The following RAB40B variants were observed in gnomAD, a reference collection of about 807,000 sequenced individuals.
The protein encoded by RAB40B is ras-related protein Rab-40B.
RAB40B carries 21 observed loss-of-function variants against 24.0 expected under a neutral mutation model. The ratio of observed to expected loss-of-function variants is 0.88; its 90% CI spans 0.62 to 1.26. The LOEUF is 1.26. Among genes scored for constraint, RAB40B ranks in the 50% most tolerant of loss-of-function variants. The probability of loss-of-function intolerance (pLI) is 0.00; values close to 1 mark genes in which losing one functional copy is unlikely to be tolerated. For synonymous variants in RAB40B, 167 were observed against 169.8 expected, an observed-to-expected ratio of 0.98 and a Z score of 0.13; for missense variants, 348 against 390.5, an observed-to-expected ratio of 0.89 and a Z score of 0.92.
At chr17:82,677,027 CA>C (rs2046401648) in intron 1 of RAB40B, among the ~76,000 whole-genome samples, 1 of 151,860 alleles carries the variant, frequency 6.6e-6, no homozygotes, top group Admixed American at 6.6e-5. Context: ...CGGCTCACCG[CA>C]AGCTCCACCT....
chr17:82,694,937 T>C (rs1294139841), intron 1 of RAB40B, among the ~76,000 whole-genome samples: 4 of 151,740 alleles, frequency 2.6e-5, no homozygotes, highest in Non-Finnish European at 4.4e-5. Context: ...CGACTGATAA[T>C]GAAATCTAGG....
At chr17:82,661,671 G>A (rs1022282770) in intron 2 of RAB40B, among the ~76,000 whole-genome samples, 16 of 152,046 alleles carry the variant, frequency 1.1e-4, no homozygotes, top group African/African-American at 2.9e-4. Context: ...CGGATCACCC[G>A]AGGTCAGGAG....
chr17:82,673,560 T>G (rs1300754720), intron 1 of RAB40B, among the ~76,000 whole-genome samples: 1 of 152,262 alleles, frequency 6.6e-6, no homozygotes, highest in Non-Finnish European at 1.5e-5. Flanking sequence ...GCCCTCACTC[T>G]TCCTTGTGTT....
At chr17:82,685,907 G>A (rs1484389911) in intron 1 of RAB40B, among the ~76,000 whole-genome samples, 1 of 151,308 alleles carries the variant, frequency 6.6e-6, no homozygotes, top group Admixed American at 6.6e-5. Context: ...GGATTCAAAC[G>A]ATTCTCCTAC....
intron 2 of RAB40B, chr17:82,662,132 C>A: frequency 7.1e-6 from 7 of 985,464 alleles, no homozygotes; most frequent in Non-Finnish European, 8.4e-6. Context: ...GTGTCACATG[C>A]ACCTGTGGTC....
intron 1 of RAB40B, among the ~76,000 whole-genome samples, chr17:82,678,460 A>G (rs984258416): frequency 2.0e-5 from 3 of 152,084 alleles, no homozygotes; most frequent in Admixed American, 6.6e-5. Flanking sequence ...ATGCCACACC[A>G]TTCTCTACAC....
chr17:82,658,133 C>T lies in RAB40B; in HGVS notation c.567G>A (p.Val189=). The change falls in exon 6 of 6, where the codon GTG becomes GTA. Residue 189 remains valine, a splice_region_variant and synonymous_variant. Transcript: ENST00000571995. ...GMDRLWRPSK[V]LSLQDLCCRA... The stretch of plus-strand genomic sequence containing the variant: ...GGCAGCAGAGGTCTTGCAAGCTCAG[C>T]ACTTGGGAGAGAAAAGATAAACCTT... The T allele has an allele frequency of 6.2e-7, 1 of 1,612,780 alleles. No homozygotes were observed. The highest frequency in any genetic ancestry group is 8.5e-7 in the Non-Finnish European group (1 of 1,179,374).
At chr17:82,671,552 T>A (rs1486352931) in intron 1 of RAB40B, among the ~76,000 whole-genome samples, 1 of 109,368 alleles carries the variant, frequency 9.1e-6, no homozygotes, top group African/African-American at 3.2e-5. Flanking sequence ...ACGCTCCCTG[T>A]ACTCACTGAC....
At chr17:82,669,382 G>C (rs1284849990) in intron 1 of RAB40B, among the ~76,000 whole-genome samples, 2 of 151,998 alleles carry the variant, frequency 1.3e-5, no homozygotes, top group Non-Finnish European at 2.9e-5. Context: ...GGCTGAGGCA[G>C]GAGAATTGCT....
intron 1 of RAB40B, among the ~76,000 whole-genome samples, chr17:82,688,239 C>G (rs2046521989): frequency 6.6e-6 from 1 of 151,984 alleles, no homozygotes; most frequent in African/African-American, 2.4e-5. Flanking sequence ...CTAGGCTGGT[C>G]TGAACTCCTG....
At chr17:82,698,385 CCCCTCCCCA>C in intron 1 of RAB40B, 61 bp downstream of exon 1, 1 of 292,136 alleles carries the variant, frequency 3.4e-6, no homozygotes. Flanking sequence ...CCACCCGCAC[CCCCTCCCCA>C]GCCCCGCGCC....
In RAB40B at chr17:82,698,616, C is replaced by A. The variant is rs750625188; in HGVS notation, c.-20G>T. 32 of 1,424,114 alleles carry A rather than the reference C, an allele frequency of 2.2e-5. No homozygotes were observed. The highest frequency in any genetic ancestry group is 1.0e-4 in the African/African-American group (7 of 67,558). 88.2% of individuals were successfully genotyped at this position (1,424,114 alleles called of 1,614,324 possible). A position where few individuals can be genotyped will look rare whatever the true frequency, so the allele number is the denominator to read the frequency against. Reference sequence around the variant, plus strand: ...GCTCATCGTGACGGCCCGGCGCCCCCACCCATGCCCGGCCTGCGGGGCTGA... The same window carrying A: ...GCTCATCGTGACGGCCCGGCGCCCCAACCCATGCCCGGCCTGCGGGGCTGA... On this transcript the variant is annotated 5_prime_UTR_variant, in exon 1 of 6. Coordinates refer to ENST00000571995, the MANE Select transcript of RAB40B (RefSeq NM_006822.3).
Position 82,688,992 on chromosome 17 carries a change from C to G in RAB40B, c.142+9463G>C, listed in dbSNP as rs114668895. On this transcript the variant is annotated intron_variant, in intron 1 of 5. Transcript: ENST00000571995. Reference sequence around the variant, plus strand: ...GTCTAGATCTCTAATATTTTTATGCCCAAGCCCTTTGGATGCTGTTGTTCT... The same window carrying G: ...GTCTAGATCTCTAATATTTTTATGCGCAAGCCCTTTGGATGCTGTTGTTCT... Among the ~76,000 whole-genome samples the G allele has an allele frequency of 7.8e-3, 1,184 of 152,174 alleles. 14 individuals carry two copies. The highest frequency in any genetic ancestry group is 0.028 in the African/African-American group (1,142 of 41,496).
intron 1 of RAB40B, among the ~76,000 whole-genome samples, chr17:82,687,255 AAG>A (rs769597064): frequency 2.0e-5 from 3 of 152,248 alleles, no homozygotes; most frequent in Non-Finnish European, 2.9e-5. Flanking sequence ...TTATTAATCT[AAG>A]AGAAAATTTC....
At position 82,663,949 on chromosome 17, in the gene RAB40B, G is replaced by A. The variant is rs1037522857; in HGVS notation, c.203+547C>T. Among the ~76,000 whole-genome samples the A allele has an allele frequency of 2.6e-5, 4 of 152,132 alleles. No homozygotes were observed. Among genetic ancestry groups the A allele is most frequent in the Non-Finnish European group, 5.9e-5 (4 of 68,016 alleles). On this transcript the variant is annotated intron_variant, in intron 2 of 5. Transcript: ENST00000571995. The surrounding 1 kb of genome is among the most constrained non-coding windows in gnomAD (Gnocchi z 6.2). ...CTTCAGAGAAGCCCTGGTGCAGCTGGGGCTGGGGGTGCTCCCCGGGGCGCT... is the reference window on the plus strand; with the variant it reads ...CTTCAGAGAAGCCCTGGTGCAGCTGAGGCTGGGGGTGCTCCCCGGGGCGCT...
At chr17:82,660,493 A>G (rs1291172041) in intron 3 of RAB40B, among the ~76,000 whole-genome samples, 1 of 151,414 alleles carries the variant, frequency 6.6e-6, no homozygotes, top group Non-Finnish European at 1.5e-5. Flanking sequence ...GTGTACACAT[A>G]CACGCACATG....
chr17:82,694,291 A>G (rs2046586987), intron 1 of RAB40B, among the ~76,000 whole-genome samples: 1 of 151,522 alleles, frequency 6.6e-6, no homozygotes, highest in African/African-American at 2.4e-5. Context: ...GCACTTTGGG[A>G]GGCTGAGCTA....
intron 2 of RAB40B, among the ~76,000 whole-genome samples, chr17:82,664,075 AGGGT>A (rs2046214921): frequency 2.2e-4 from 3 of 13,634 alleles, no homozygotes; most frequent in Admixed American, 8.0e-4. Flanking sequence ...TGGTGGGGGG[AGGGT>A]GCTCCCCGGG....
chr17:82,660,747 C>A (rs1377189305), intron 3 of RAB40B, among the ~76,000 whole-genome samples: 1 of 152,222 alleles, frequency 6.6e-6, no homozygotes, highest in East Asian at 1.9e-4. Context: ...GTGCACGTAC[C>A]TGCACACACG....
Sources: allele counts gnomAD v4.1 joint callset (sites outside exome capture counted in the v4.1 genomes callset), GRCh38; gene constraint gnomAD v4.1.1; non-coding constraint Gnocchi (gnomAD v3.1); transcripts MANE v1.5; gene names NCBI Gene and HGNC (gene_info 2026-07-23, HGNC 2026-07-21).